BLVRA: variants seen among roughly 807,000 people sequenced by gnomAD.
BLVRA encodes BVR A.
In BLVRA, 22 loss-of-function variants were observed where a neutral mutation model predicts 32.8. The observed-to-expected ratio is 0.67, with a 90% CI of 0.48 to 0.96. The LOEUF (loss-of-function observed/expected upper bound fraction) is 0.96. Ranked by LOEUF, BLVRA falls within the 40% of genes least tolerant of loss-of-function variation. The pLI, the probability that BLVRA is intolerant of heterozygous loss-of-function variation, is 0.00. For missense variants in BLVRA, 323 were observed against 358.1 expected (o/e 0.90, Z 0.79); for synonymous variants, 119 against 141.3 (o/e 0.84, Z 1.12).
intron 2 of BLVRA, among the ~76,000 whole-genome samples, chr7:43,786,249 G>A (rs1233445144): frequency 6.6e-6 from 1 of 152,022 alleles, no homozygotes; most frequent in Non-Finnish European, 1.5e-5. Flanking sequence ...GTTAATATCA[G>A]ACAAAATAAA....
intron 5 of BLVRA, among the ~76,000 whole-genome samples, chr7:43,799,099 A>T (rs1260508448): frequency 6.6e-6 from 1 of 152,218 alleles, no homozygotes; most frequent in East Asian, 1.9e-4. Context: ...TCTACTTATC[A>T]CAAGAAGTTC....
rs769617919 is a variant in BLVRA, at chr7:43,806,970, T to C, written c.633-7T>C. On this transcript the variant is annotated splice_region_variant and splice_polypyrimidine_tract_variant and intron_variant, in intron 7 of 7. Coordinates refer to ENST00000265523, the MANE Select transcript of BLVRA (RefSeq NM_000712.4). ...TAACATGATTCTTTTGTCTTTTGTC[T>C]TTGCAGTCCACTGTCATGGATTGAA... 6.2e-6 allele frequency: 10 copies of C among 1,613,574 alleles called. No individual in the cohort carries two copies. The Admixed American group carries it at 1.3e-4, about 22-fold the overall frequency.
intron 4 of BLVRA, chr7:43,791,690 CCAGA>C: frequency 3.2e-6 from 1 of 309,708 alleles, no homozygotes; most frequent in Non-Finnish European, 6.3e-6. Context: ...CTTCTTCTCA[CCAGA>C]CAGTTTAGGA....
chr7:43,777,548 C>T (rs1451453312), intron 2 of BLVRA, among the ~76,000 whole-genome samples: 3 of 146,794 alleles, frequency 2.0e-5, no homozygotes, highest in Admixed American at 1.4e-4. Context: ...GTGGATAACC[C>T]GACCTTTCTC....
rs1263720876 is a variant in BLVRA at position 43,806,974 on chromosome 7, C to T, written c.633-3C>T. The T allele has an allele frequency of 2.5e-6, 4 of 1,613,610 alleles. No individual in the cohort carries two copies. The South Asian group carries it at 4.4e-5, about 18-fold the overall frequency. Reference sequence around the variant, plus strand: ...ATGATTCTTTTGTCTTTTGTCTTTGCAGTCCACTGTCATGGATTGAAGAAA... The same window carrying T: ...ATGATTCTTTTGTCTTTTGTCTTTGTAGTCCACTGTCATGGATTGAAGAAA... On this transcript the variant is annotated splice_region_variant and splice_polypyrimidine_tract_variant and intron_variant, in intron 7 of 7. Coordinates refer to ENST00000265523, the MANE Select transcript of BLVRA (RefSeq NM_000712.4).
At position 43,789,971 on chromosome 7, in the gene BLVRA, C is replaced by G. The variant is rs533277000; in HGVS notation, c.135-1278C>G. ...AATTTGTTCTCCATGATTTCTCCTA[C>G]AGCGCCTAGTACATAATAGGCAAAC... On this transcript the variant is annotated intron_variant, in intron 3 of 7. Transcript: ENST00000265523. 6.6e-5 allele frequency among the ~76,000 whole-genome samples: 10 copies of G among 152,178 alleles called. No homozygotes were observed. In the South Asian group the frequency reaches 2.1e-3, roughly 32 times the overall value.
chr7:43,767,695 T>G, intron 1 of BLVRA: 1 of 505,628 alleles, frequency 2.0e-6, no homozygotes, highest in Non-Finnish European at 3.7e-6. Context: ...AAAGAACATG[T>G]TAAAGTCAGT....
intron 5 of BLVRA, among the ~76,000 whole-genome samples, chr7:43,797,017 C>T (rs980635513): frequency 6.6e-6 from 1 of 152,226 alleles, no homozygotes; most frequent in African/African-American, 2.4e-5. Flanking sequence ...CAGTAACCAC[C>T]AGCATCAGTC....
chr7:43,806,175 T>C (rs1169120739), intron 7 of BLVRA, among the ~76,000 whole-genome samples: 2 of 152,068 alleles, frequency 1.3e-5, no homozygotes, highest in Non-Finnish European at 2.9e-5. Context: ...TAGCCAGGCG[T>C]GGTGGCAGGT....
At chr7:43,791,416 C>G (rs762354524) in intron 4 of BLVRA, 48 bp downstream of exon 4, 1 of 1,610,204 alleles carries the variant, frequency 6.2e-7, no homozygotes, top group Non-Finnish European at 8.5e-7. Context: ...CAGTGCAGTA[C>G]TGCAAAAATG....
At chr7:43,783,762 G>T (rs1215217705) in intron 2 of BLVRA, among the ~76,000 whole-genome samples, 1 of 152,066 alleles carries the variant, frequency 6.6e-6, no homozygotes, top group Non-Finnish European at 1.5e-5. Context: ...TGCAACATAT[G>T]AACATACCTG....
Position 43,803,624 on chromosome 7 carries a change from C to G in BLVRA, c.461-52C>G, listed in dbSNP as rs556560614. On this transcript the variant is annotated intron_variant, in intron 6 of 7. Transcript: ENST00000265523. ...CACCCCCACCCCCCTGTCCTGCTTT[C>G]CACTTGGCATTCCTGCTTCCCAGTT... 1.1e-5 allele frequency: 10 copies of G among 913,576 alleles called. No homozygotes were observed. The African/African-American group carries it at 1.4e-4, about 13-fold the overall frequency. The allele number at this position is 913,576 out of a possible 1,614,324, so 56.6% of individuals were successfully genotyped here.
chr7:43,790,456 GAC>G (rs147298790), intron 3 of BLVRA, among the ~76,000 whole-genome samples: 2 of 151,326 alleles, frequency 1.3e-5, no homozygotes, highest in Non-Finnish European at 3.0e-5. Context: ...CACACACACA[GAC>G]ACACACACAC....
chr7:43,794,895 A>G (rs1032573367), intron 5 of BLVRA, among the ~76,000 whole-genome samples: 1 of 152,154 alleles, frequency 6.6e-6, no homozygotes. Context: ...TATGTGATTG[A>G]GTTAAGTTGT....
chr7:43,791,371 G>A lies in BLVRA; in HGVS notation c.254+3G>A. The A allele has an allele frequency of 1.9e-6, 3 of 1,614,134 alleles. No homozygotes were observed. The highest frequency in any genetic ancestry group is 2.5e-6 in the Non-Finnish European group (3 of 1,180,002). ...TCCAGCCATGAGGACTACATCAGGT[G>A]GGTTTTCCACACAGGCAGTCCTTGC... is the stretch of plus-strand genomic sequence containing the variant. On this transcript the variant is annotated splice_donor_region_variant and intron_variant, in intron 4 of 7. Coordinates refer to ENST00000265523, the MANE Select transcript of BLVRA (RefSeq NM_000712.4).
intron 6 of BLVRA, among the ~76,000 whole-genome samples, chr7:43,801,423 C>T (rs1039910944): frequency 4.6e-5 from 7 of 152,210 alleles, no homozygotes; most frequent in African/African-American, 1.7e-4. Context: ...TGGATGGGCT[C>T]CTTCTCTGGC....
rs957526632 is a variant in BLVRA, at chr7:43,787,492, A to G, written c.13-412A>G. Reference sequence around the variant, plus strand: ...CTGATGAAGAAGCTGTGCCCTCTGAATGACTCCCAGTAGTATCAGATTCAT... The same window carrying G: ...CTGATGAAGAAGCTGTGCCCTCTGAGTGACTCCCAGTAGTATCAGATTCAT... On this transcript the variant is annotated intron_variant, in intron 2 of 7. Transcript: ENST00000265523. The surrounding 1 kb of genome is among the most constrained non-coding windows in gnomAD (Gnocchi z 4.5). Among the ~76,000 whole-genome samples the G allele has an allele frequency of 7.9e-5, 12 of 152,136 alleles. No individual in the cohort carries two copies. Among genetic ancestry groups the G allele is most frequent in the Non-Finnish European group, 1.8e-4 (12 of 68,032 alleles).
chr7:43,788,170 C>A (rs17239544), intron 3 of BLVRA, 145 bp downstream of exon 3: 27,243 of 1,467,298 alleles, frequency 0.019, 331 homozygotes, highest in Middle Eastern at 0.024. Context: ...CCCATAAGAT[C>A]TCAGGTTGGG....
intron 5 of BLVRA, among the ~76,000 whole-genome samples, chr7:43,794,596 G>C (rs772080653): frequency 3.3e-5 from 5 of 152,008 alleles, no homozygotes; most frequent in African/African-American, 1.2e-4. Context: ...TTAGCTGGGC[G>C]TGGTGGCGCT....
Sources: gnomAD v4.1 joint callset for allele counts (sites outside exome capture counted in the v4.1 genomes callset) on GRCh38, gnomAD v4.1.1 for gene constraint, Gnocchi (gnomAD v3.1) non-coding constraint, MANE v1.5 for transcripts, NCBI Gene and HGNC (gene_info 2026-07-23, HGNC 2026-07-21) for gene names.